PLCH2: variants seen among roughly 807,000 people sequenced by gnomAD.
The protein encoded by PLCH2 is 1-phosphatidylinositol 4,5-bisphosphate phosphodiesterase eta-2.
A neutral mutation model predicts 134.7 loss-of-function variants in PLCH2; 98 were observed. The ratio of observed to expected loss-of-function variants is 0.73; its 90% CI spans 0.62 to 0.86. The LOEUF is 0.86. Ranked by LOEUF, PLCH2 falls within the 40% of genes least tolerant of loss-of-function variation. PLCH2 has a pLI of 0.00. For synonymous variants in PLCH2, 974 were observed against 827.5 expected (o/e 1.18, Z -3.04); for missense variants, 1,994 against 1,986.6 (o/e 1.00, Z -0.07).
rs748768462 is a variant in PLCH2, at chr1:2,498,520, C to T, written c.2225-3C>T. 1 of 1,607,654 alleles carries T rather than the reference C, an allele frequency of 6.2e-7. No individual in the cohort carries two copies. Among genetic ancestry groups the T allele is most frequent in the South Asian group, 1.1e-5 (1 of 90,190 alleles). On this transcript the variant is annotated splice_region_variant and splice_polypyrimidine_tract_variant and intron_variant, in intron 16 of 21. Transcript: ENST00000378486. The surrounding 1 kb of genome is among the most constrained non-coding windows in gnomAD (Gnocchi z 5.4). ...ACTGACCACCTCCCCGGCATCCCCT[C>T]AGGCGTGTTCAACCCCAACTCGGAG...
At chr1:2,463,101 C>T (rs954521553), upstream of PLCH2, among the ~76,000 whole-genome samples, 4 of 152,186 alleles carry the variant, frequency 2.6e-5, no homozygotes, top group Non-Finnish European at 4.4e-5. Flanking sequence ...TTTAAATGTG[C>T]GCTTGGCACC....
At chr1:2,438,518 G>A (rs1639539659) in intron 2 of PLCH2, among the ~76,000 whole-genome samples, 1 of 152,132 alleles carries the variant, frequency 6.6e-6, no homozygotes, top group Non-Finnish European at 1.5e-5. Flanking sequence ...GTGCACACTC[G>A]ACCCTGGCCT....
At chr1:2,493,294 CA>C (rs1228064194) in intron 11 of PLCH2, 1 of 152,310 alleles carries the variant, frequency 6.6e-6, no homozygotes, top group East Asian at 1.9e-4. Flanking sequence ...TGGGTCACTG[CA>C]GCATTTTGGG....
At chr1:2,491,449 C>A (rs1208642436) in intron 11 of PLCH2, 114 bp downstream of exon 11, 5 of 1,013,326 alleles carry the variant, frequency 4.9e-6, no homozygotes, top group Non-Finnish European at 5.9e-6. Context: ...CCTGTGCACA[C>A]ACAAATCTGC....
chr1:2,443,361 G>C (rs114433008), intron 2 of PLCH2, among the ~76,000 whole-genome samples: 13 of 152,194 alleles, frequency 8.5e-5, no homozygotes, highest in African/African-American at 2.7e-4. Context: ...TGTTGGGAGT[G>C]GGGGGTGGGT....
chr1:2,475,198 C>T (rs1003601551), upstream of PLCH2, among the ~76,000 whole-genome samples: 9 of 152,192 alleles, frequency 5.9e-5, no homozygotes, highest in Admixed American at 1.3e-4. Context: ...ACCTTGGCCC[C>T]GGGGCTCTGC....
chr1:2,472,639 G>A (rs1338087701), upstream of PLCH2, among the ~76,000 whole-genome samples: 2 of 152,212 alleles, frequency 1.3e-5, no homozygotes. Context: ...ATGCCAGCCG[G>A]GCCCAGGCAC....
intron 2 of PLCH2, among the ~76,000 whole-genome samples, chr1:2,450,584 C>T (rs1182431746): frequency 2.8e-5 from 3 of 106,418 alleles, no homozygotes; most frequent in African/African-American, 1.1e-4. Flanking sequence ...CACCTTCCCC[C>T]TCACTCCCCA....
intron 2 of PLCH2, among the ~76,000 whole-genome samples, chr1:2,435,550 A>T (rs1013093764): frequency 6.6e-6 from 1 of 151,786 alleles, no homozygotes; most frequent in Non-Finnish European, 1.5e-5. Flanking sequence ...GGGACTGGGG[A>T]AGGGGCCAGG....
upstream of PLCH2, among the ~76,000 whole-genome samples, chr1:2,471,945 T>C (rs1179186366): frequency 3.3e-5 from 5 of 152,136 alleles, no homozygotes; most frequent in Non-Finnish European, 5.9e-5. Flanking sequence ...CGGAGGGCGC[T>C]GCCAGAGGAG....
chr1:2,502,269 G>T lies in PLCH2; in HGVS notation c.2819G>T (p.Gly940Val). 1 of 1,540,170 alleles carries T rather than the reference G, an allele frequency of 6.5e-7. No homozygotes were observed. The change falls in exon 21 of 22, where the codon GGC (glycine) becomes GTC (valine). Residue 940 changes from glycine (G) to valine (V), a missense_variant. Gly to Val is a moderately radical substitution (Grantham distance 109). Coordinates refer to ENST00000378486, the MANE Select transcript of PLCH2 (RefSeq NM_014638.4). ...GCCCCGACCAAGAGCCAGAAGCCGG[G>T]CCGCAGGGGCTTCCCGGAGCTGGTC... ...ASAPTKSQKP[G>V]RRGFPELVLG...
At position 2,476,742 on chromosome 1, in the gene PLCH2, T is replaced by C. The variant is rs745508077; in HGVS notation, c.124+30T>C. The stretch of plus-strand genomic sequence containing the variant: ...GAAGGGGCAGGCGAGTGGCCTGGGC[T>C]GAGTGCTGGCCCTGGCCAGGTGACT... On this transcript the variant is annotated intron_variant, in intron 1 of 21. Transcript: ENST00000378486. The C allele has an allele frequency of 4.4e-6, 7 of 1,574,816 alleles. No individual in the cohort carries two copies. The Admixed American group carries it at 1.1e-4, about 25-fold the overall frequency.
chr1:2,459,400 T>TCC lies in PLCH2; in HGVS notation c.116-19076_116-19075insCC, dbSNP rs1557969332. ...TGCCGGTGGTCCTCCTTCCTGGTGG[T>TCC]TCTCCTTCCTGGTGGTCCTCCTTGC... On this transcript the variant is annotated intron_variant, in intron 2 of 3. Coordinates refer to the PLCH2 transcript ENST00000609981. Among the ~76,000 whole-genome samples the TCC allele has an allele frequency of 7.0e-5, 9 of 128,038 alleles. 1 individual carries two copies. The East Asian group carries it at 7.3e-4, about 10-fold the overall frequency. 84.0% of individuals were successfully genotyped at this position (128,038 alleles called of 152,430 possible).
In PLCH2 at chr1:2,459,552, C is replaced by G. The variant is rs111697934; in HGVS notation, c.116-18924C>G. Among the ~76,000 whole-genome samples, 193 of 120,846 alleles carry G rather than the reference C, an allele frequency of 1.6e-3. 8 individuals carry two copies. The highest frequency in any genetic ancestry group is 3.8e-3 in the East Asian group (14 of 3,714). 79.3% of individuals were successfully genotyped at this position (120,846 alleles called of 152,430 possible). On this transcript the variant is annotated intron_variant, in intron 2 of 3. Transcript: ENST00000609981. ...GTCCTCCTTCCTGGTGGTCCTCCTT[C>G]CTGGTGGTCCTCCTTGCCGGTGGTC...
chr1:2,471,772 G>T (rs544699536), upstream of PLCH2, among the ~76,000 whole-genome samples: 2 of 152,158 alleles, frequency 1.3e-5, no homozygotes, highest in African/African-American at 2.4e-5. Flanking sequence ...CTCCCCCAGG[G>T]CTCTGTGCAC....
chr1:2,487,460 C>A, intron 7 of PLCH2, 84 bp downstream of exon 7: 1 of 1,479,830 alleles, frequency 6.8e-7, no homozygotes, highest in Non-Finnish European at 9.2e-7. Flanking sequence ...CCGGGGGGAT[C>A]TCTGGGCAGG....
At chr1:2,473,259 G>C (rs1363193438), upstream of PLCH2, among the ~76,000 whole-genome samples, 1 of 152,230 alleles carries the variant, frequency 6.6e-6, no homozygotes. Flanking sequence ...AGGTCGGGGG[G>C]CAGGCCCAGG....
chr1:2,459,308 C>T (rs1441086018), intron 2 of PLCH2, among the ~76,000 whole-genome samples: 2 of 146,158 alleles, frequency 1.4e-5, no homozygotes, highest in Admixed American at 6.7e-5. Flanking sequence ...CAGTGGTCCT[C>T]CTTCCTGGTG....
upstream of PLCH2, among the ~76,000 whole-genome samples, chr1:2,464,551 T>C (rs1478431880): frequency 6.6e-6 from 1 of 152,170 alleles, no homozygotes; most frequent in Non-Finnish European, 1.5e-5. Context: ...ATGGTTTTCT[T>C]TGGAGATGAG....
Sources: gnomAD v4.1 joint callset for allele counts (sites outside exome capture counted in the v4.1 genomes callset) on GRCh38, gnomAD v4.1.1 for gene constraint, Gnocchi (gnomAD v3.1) non-coding constraint, MANE v1.5 for transcripts, NCBI Gene and HGNC (gene_info 2026-07-23, HGNC 2026-07-21) for gene names.